The following TRDN variants were observed in gnomAD, a reference collection of about 807,000 sequenced individuals.
TRDN encodes triadin in skeletal muscle.
Under a neutral mutation model 149.7 loss-of-function variants are expected in TRDN, and 161 were observed. That is an observed-to-expected ratio of 1.08 (90% CI 0.95 to 1.23). The LOEUF is 1.23. Ranked by LOEUF, TRDN falls within the 50% of genes most tolerant of loss-of-function variation. TRDN has a pLI of 0.00. For synonymous variants in TRDN, 294 were observed against 250.5 expected, an observed-to-expected ratio of 1.17 and a Z score of -1.64; for missense variants, 896 against 823.5, an observed-to-expected ratio of 1.09 and a Z score of -1.08.
chr6:123,449,157 A>G (rs973412293), intron 10 of TRDN, among the ~76,000 whole-genome samples: 5 of 152,288 alleles, frequency 3.3e-5, no homozygotes, highest in South Asian at 2.1e-4. Context: ...ATGACAAAAC[A>G]AGGCTTCTCA....
intron 21 of TRDN, chr6:123,352,213 C>T (rs1582905373): frequency 2.0e-6 from 2 of 984,124 alleles, no homozygotes; most frequent in East Asian, 2.3e-4. Flanking sequence ...GGTGTTAAAA[C>T]CACAAATCAA....
intron 20 of TRDN, among the ~76,000 whole-genome samples, chr6:123,356,487 T>C (rs1180407577): frequency 7.0e-6 from 1 of 143,822 alleles, no homozygotes; most frequent in Non-Finnish European, 1.5e-5. Context: ...CCTATGCCTC[T>C]AGGTTTACAA....
At chr6:123,511,082 A>C (rs1458024886) in intron 7 of TRDN, among the ~76,000 whole-genome samples, 1 of 152,112 alleles carries the variant, frequency 6.6e-6, no homozygotes, top group Admixed American at 6.6e-5. Context: ...GTGTTTCCCC[A>C]ATGTTTTCTT....
chr6:123,339,683 C>A (rs957171676), intron 21 of TRDN, among the ~76,000 whole-genome samples: 1 of 152,074 alleles, frequency 6.6e-6, no homozygotes, highest in African/African-American at 2.4e-5. Flanking sequence ...ATTAAGTAAA[C>A]CAATTATACA....
intron 23 of TRDN, among the ~76,000 whole-genome samples, chr6:123,317,392 C>A (rs1410322921): frequency 1.3e-5 from 2 of 151,848 alleles, no homozygotes; most frequent in Non-Finnish European, 2.9e-5. Context: ...ATGCTACCAG[C>A]TTTATTTGGG....
At chr6:123,524,773 T>C (rs1779864177) in intron 5 of TRDN, among the ~76,000 whole-genome samples, 1 of 152,168 alleles carries the variant, frequency 6.6e-6, no homozygotes, top group Non-Finnish European at 1.5e-5. Context: ...TTCATAAACC[T>C]GAGTTCCATA....
At chr6:123,372,711 T>TGACATTGTATATATTGA (rs1300313342) in intron 19 of TRDN, among the ~76,000 whole-genome samples, 7 of 152,186 alleles carry the variant, frequency 4.6e-5, no homozygotes, top group African/African-American at 1.7e-4. Context: ...CTACTATATT[T>TGACATTGTATATATTGA]CTTCTTGAAG....
chr6:123,281,464 G>A (rs762763457), intron 24 of TRDN, among the ~76,000 whole-genome samples: 1 of 152,000 alleles, frequency 6.6e-6, no homozygotes, highest in Non-Finnish European at 1.5e-5. Flanking sequence ...ACATAGCTAT[G>A]TGCTCTGGCT....
chr6:123,333,025 G>T (rs1562265869), intron 22 of TRDN, among the ~76,000 whole-genome samples: 1 of 151,978 alleles, frequency 6.6e-6, no homozygotes, highest in African/African-American at 2.4e-5. Flanking sequence ...TTATGGTGTT[G>T]TGTATAAATA....
rs1313638437 is a variant in TRDN, at chr6:123,324,937, C to G, written c.1471+6942G>C. ...GAAAGTGCTACTGTTATGGGTCCAACTTTCACTTTAACAATTCTTCAGAAA... is the reference window on the plus strand; with the variant it reads ...GAAAGTGCTACTGTTATGGGTCCAAGTTTCACTTTAACAATTCTTCAGAAA... On this transcript the variant is annotated intron_variant, in intron 23 of 40. Transcript: ENST00000334268. Among the ~76,000 whole-genome samples, 6 of 152,246 alleles carry G rather than the reference C, an allele frequency of 3.9e-5. No individual in the cohort carries two copies. In the South Asian group the frequency reaches 8.3e-4, roughly 21 times the overall value.
At position 123,554,353 on chromosome 6, in the gene TRDN, G is replaced by A. The variant is rs1781543200; in HGVS notation, c.233-5741C>T. ...GCACTGATTATGTACAATATTCTAA[G>A]TGTAATATATAATTGATATCTAGGT... On this transcript the variant is annotated intron_variant, in intron 2 of 40. Transcript: ENST00000334268. 2.0e-5 allele frequency among the ~76,000 whole-genome samples: 3 copies of A among 152,076 alleles called. No homozygotes were observed. In the South Asian group the frequency reaches 6.2e-4, roughly 32 times the overall value.
intron 24 of TRDN, among the ~76,000 whole-genome samples, chr6:123,287,011 A>G (rs1777826654): frequency 6.6e-6 from 1 of 152,170 alleles, no homozygotes; most frequent in South Asian, 2.1e-4. Flanking sequence ...CTCTGAAGGG[A>G]TAAAATCATC....
chr6:123,415,228 AT>A (rs1347567581), intron 12 of TRDN, among the ~76,000 whole-genome samples: 6 of 152,186 alleles, frequency 3.9e-5, no homozygotes, highest in African/African-American at 1.4e-4. Context: ...ACTTATTTAT[AT>A]TTAATTTTCC....
intron 19 of TRDN, among the ~76,000 whole-genome samples, chr6:123,372,912 C>T (rs144521684): frequency 6.6e-6 from 1 of 152,048 alleles, no homozygotes; most frequent in Non-Finnish European, 1.5e-5. Flanking sequence ...TTTGCTCACA[C>T]TATGATAAAT....
At chr6:123,278,043 A>G (rs1164667631) in intron 26 of TRDN, among the ~76,000 whole-genome samples, 2 of 152,180 alleles carry the variant, frequency 1.3e-5, no homozygotes, top group East Asian at 3.9e-4. Flanking sequence ...TCCTACAATA[A>G]TCAGAGAAAA....
At chr6:123,549,065 A>G (rs1384966240) in intron 2 of TRDN, among the ~76,000 whole-genome samples, 5 of 152,040 alleles carry the variant, frequency 3.3e-5, no homozygotes, top group Admixed American at 6.6e-5. Flanking sequence ...ATTAAGACTG[A>G]TAGGCCCATT....
chr6:123,264,764 T>G (rs779270080), intron 33 of TRDN, among the ~76,000 whole-genome samples: 1 of 152,040 alleles, frequency 6.6e-6, no homozygotes, highest in Non-Finnish European at 1.5e-5. Context: ...CTTCATCAGT[T>G]AGCACCCATC....
intron 21 of TRDN, among the ~76,000 whole-genome samples, chr6:123,340,220 A>T (rs1780015780): frequency 6.6e-6 from 1 of 152,162 alleles, no homozygotes; most frequent in South Asian, 2.1e-4. Context: ...AAGTCTTATA[A>T]CAGAGGATAT....
chr6:123,473,867 TA>T (rs1473577338), intron 9 of TRDN, among the ~76,000 whole-genome samples: 1 of 151,712 alleles, frequency 6.6e-6, no homozygotes, highest in African/African-American at 2.4e-5. Flanking sequence ...GAACGAGAAA[TA>T]AAATACTTTA....
Sources: allele counts gnomAD v4.1 joint callset (sites outside exome capture counted in the v4.1 genomes callset), GRCh38; gene constraint gnomAD v4.1.1; transcripts MANE v1.5; gene names NCBI Gene and HGNC (gene_info 2026-07-23, HGNC 2026-07-21).